Variants in PARN observed in about 807,000 individuals in gnomAD.
The protein encoded by PARN is poly(A)-specific ribonuclease, also known as poly(A)-specific ribonuclease PARN.
In PARN, 71 loss-of-function variants were observed where a neutral mutation model predicts 102.8. The observed-to-expected ratio is 0.69, with a 90% confidence interval of 0.57 to 0.84. The LOEUF is 0.84. Among genes scored for constraint, PARN ranks in the 40% least tolerant of loss-of-function variants. The pLI is 0.00. For synonymous variants in PARN, 261 were observed against 252.9 expected (o/e 1.03, Z -0.30); for missense variants, 782 against 760.9 (o/e 1.03, Z -0.33).
intron 6 of PARN, among the ~76,000 whole-genome samples, chr16:14,613,439 T>C (rs1284369639): frequency 6.6e-6 from 1 of 151,884 alleles, no homozygotes; most frequent in Non-Finnish European, 1.5e-5. Context: ...CTGTCCAATA[T>C]GGTAAAACCC....
At chr16:14,526,179 G>GTTT (rs370572514) in intron 21 of PARN, among the ~76,000 whole-genome samples, 1 of 134,602 alleles carries the variant, frequency 7.4e-6, no homozygotes, top group African/African-American at 2.7e-5. Flanking sequence ...ATCATCCACT[G>GTTT]TTTTTTTTTT....
At chr16:14,593,051 G>A (rs186647897) in intron 13 of PARN, among the ~76,000 whole-genome samples, 39 of 151,966 alleles carry the variant, frequency 2.6e-4, no homozygotes, top group Middle Eastern at 3.4e-3. Context: ...CAGGAGACTC[G>A]CTTGAACCCA....
chr16:14,467,192 T>G (rs1176685966), intron 22 of PARN, among the ~76,000 whole-genome samples: 3 of 152,156 alleles, frequency 2.0e-5, no homozygotes, highest in Non-Finnish European at 4.4e-5. Context: ...AAATTCCAAA[T>G]GAAGGCATCA....
At chr16:14,555,228 C>T (rs558088440) in intron 19 of PARN, among the ~76,000 whole-genome samples, 8 of 152,240 alleles carry the variant, frequency 5.3e-5, no homozygotes, top group East Asian at 1.9e-4. Context: ...AGACCTTCCA[C>T]GTTTTTTAAA....
intron 22 of PARN, among the ~76,000 whole-genome samples, chr16:14,468,926 A>ATAG (rs1962544843): frequency 3.5e-5 from 4 of 114,702 alleles, no homozygotes; most frequent in Admixed American, 3.4e-4. Flanking sequence ...TAGATAGATA[A>ATAG]AATAAAATAA....
chr16:14,580,503 C>A (rs1969463098), intron 18 of PARN, among the ~76,000 whole-genome samples: 1 of 151,696 alleles, frequency 6.6e-6, no homozygotes, highest in South Asian at 2.1e-4. Context: ...GCCAGGCTGG[C>A]CTCGAACTCC....
chr16:14,602,916 T>C (rs1212037363), intron 11 of PARN, among the ~76,000 whole-genome samples: 3 of 151,614 alleles, frequency 2.0e-5, no homozygotes, highest in African/African-American at 7.3e-5. Flanking sequence ...TGCAATCATC[T>C]CGTATCTTTT....
chr16:14,471,556 G>T (rs890944966), intron 22 of PARN, among the ~76,000 whole-genome samples: 2 of 152,056 alleles, frequency 1.3e-5, no homozygotes, highest in African/African-American at 4.8e-5. Context: ...AAAATTTAGT[G>T]TCTTAACCAT....
intron 21 of PARN, among the ~76,000 whole-genome samples, chr16:14,537,011 G>A (rs147451232): frequency 5.9e-5 from 9 of 152,168 alleles, no homozygotes; most frequent in South Asian, 2.1e-4. Flanking sequence ...AAAACAACCC[G>A]ATGAATGGGA....
chr16:14,438,656 C>T (rs1960816983), intron 23 of PARN, among the ~76,000 whole-genome samples: 1 of 152,206 alleles, frequency 6.6e-6, no homozygotes, highest in Non-Finnish European at 1.5e-5. Flanking sequence ...TTCTGTGATA[C>T]AGCAAAGTTG....
intron 12 of PARN, among the ~76,000 whole-genome samples, chr16:14,598,048 G>A (rs1970634277): frequency 6.6e-6 from 1 of 152,150 alleles, no homozygotes; most frequent in South Asian, 2.1e-4. Context: ...GGAGGCTGAG[G>A]CAGGAGACTT....
chr16:14,471,335 A>G (rs1350595618), intron 22 of PARN, among the ~76,000 whole-genome samples: 6 of 152,210 alleles, frequency 3.9e-5, no homozygotes, highest in Non-Finnish European at 8.8e-5. Flanking sequence ...CTCAAATGTG[A>G]TAACTCATAT....
Position 14,630,231 on chromosome 16 carries a change from G to C in PARN, c.-106C>G, listed in dbSNP as rs1189153807. 9.9e-7 allele frequency: 1 copy of C among 1,012,010 alleles called. No homozygotes were observed. The highest frequency in any genetic ancestry group is 2.4e-5 in the Admixed American group (1 of 40,820). The allele number at this position is 1,012,010 out of a possible 1,614,324, so 62.7% of individuals were successfully genotyped here. ...TGCGGCAGTAGCTGAGGCAGCCGCA[G>C]CGGTGACGCCGGCCGCGACTTCCGG... On this transcript the variant is annotated 5_prime_UTR_variant, in exon 1 of 24. Coordinates refer to ENST00000437198, the MANE Select transcript of PARN (RefSeq NM_002582.4).
intron 22 of PARN, among the ~76,000 whole-genome samples, chr16:14,469,067 G>A (rs1962555071): frequency 1.3e-5 from 2 of 152,162 alleles, no homozygotes; most frequent in African/African-American, 4.8e-5. Flanking sequence ...GGAGGTCGAG[G>A]TGGGTGGGTC....
intron 23 of PARN, among the ~76,000 whole-genome samples, chr16:14,445,434 C>A (rs1024167247): frequency 4.6e-5 from 7 of 152,194 alleles, no homozygotes; most frequent in Non-Finnish European, 7.3e-5. Context: ...CTACTACTTT[C>A]CTTTGATTTG....
chr16:14,610,257 GAGGCC>G (rs1488556075), intron 7 of PARN, among the ~76,000 whole-genome samples: 2 of 152,130 alleles, frequency 1.3e-5, no homozygotes, highest in Non-Finnish European at 2.9e-5. Context: ...CAGATCACTT[GAGGCC>G]AGGAGTTCGA....
At chr16:14,473,023 A>G (rs1177299753) in intron 22 of PARN, among the ~76,000 whole-genome samples, 1 of 152,234 alleles carries the variant, frequency 6.6e-6, no homozygotes, top group Non-Finnish European at 1.5e-5. Flanking sequence ...AATAATAACT[A>G]ATCAAAGTGA....
chr16:14,536,821 A>C (rs1455415938), intron 21 of PARN, among the ~76,000 whole-genome samples: 1 of 152,202 alleles, frequency 6.6e-6, no homozygotes, highest in Non-Finnish European at 1.5e-5. Context: ...TGTTAAACAT[A>C]AGACTCAAAA....
At chr16:14,468,708 A>G (rs1040272719) in intron 22 of PARN, among the ~76,000 whole-genome samples, 1 of 152,160 alleles carries the variant, frequency 6.6e-6, no homozygotes, top group Non-Finnish European at 1.5e-5. Context: ...ACTCCTCCCC[A>G]ACATTTTATT....
Sources: gnomAD v4.1 joint callset for allele counts (sites outside exome capture counted in the v4.1 genomes callset) on GRCh38, gnomAD v4.1.1 for gene constraint, MANE v1.5 for transcripts, NCBI Gene and HGNC (gene_info 2026-07-23, HGNC 2026-07-21) for gene names.